Variants in CAPN7 observed in about 807,000 individuals in gnomAD.
CAPN7 encodes the protein calpain-7.
A neutral mutation model predicts 115.2 loss-of-function variants in CAPN7; 72 were observed. That is an observed-to-expected ratio of 0.63 (90% confidence interval 0.52 to 0.76). The LOEUF (loss-of-function observed/expected upper bound fraction) is 0.76. Among genes scored for constraint, CAPN7 ranks in the 30% least tolerant of loss-of-function variants. CAPN7 has a pLI of 0.00. For missense variants in CAPN7, 905 were observed against 971.5 expected (o/e 0.93, Z 0.91); for synonymous variants, 344 against 322.3 (o/e 1.07, Z -0.72).
intron 6 of CAPN7, among the ~76,000 whole-genome samples, chr3:15,223,928 C>A (rs9852748): frequency 0.021 from 3,254 of 152,194 alleles, 132 homozygotes; most frequent in African/African-American, 0.073. Context: ...CTAAGAAGAC[C>A]AATTCAAGCA....
At chr3:15,243,651 AAAAG>A (rs918687131) in intron 16 of CAPN7, among the ~76,000 whole-genome samples, 26 of 152,328 alleles carry the variant, frequency 1.7e-4, no homozygotes, top group African/African-American at 6.3e-4. Context: ...TTTCAAGAGA[AAAAG>A]AAAGGACAGT....
In CAPN7 at chr3:15,217,458, AACATCAGTTGG is replaced by A; in HGVS notation, c.248_258del (p.His83LeufsTer13). 1 of 1,613,590 alleles carries A rather than the reference AACATCAGTTGG, an allele frequency of 6.2e-7. No individual in the cohort carries two copies. The highest frequency in any genetic ancestry group is 8.5e-7 in the Non-Finnish European group (1 of 1,179,784). ...AAGAGTGCTGATCCTTTGAAGTCAA[AACATCAGTTGG>A]ACTTAGAGCGTGCTCATTTCCTTGT... On this transcript the variant is annotated frameshift_variant, in exon 3 of 21. Transcript: ENST00000253693. LOFTEE classifies it high-confidence loss of function.
chr3:15,208,548 A>G (rs2044759085), intron 1 of CAPN7, among the ~76,000 whole-genome samples: 1 of 146,088 alleles, frequency 6.8e-6, no homozygotes, highest in Non-Finnish European at 1.5e-5. Context: ...TTCCTGCCTC[A>G]GTCTCCCAAA....
Position 15,241,508 on chromosome 3 carries a change from C to G in CAPN7, c.1708C>G (p.Pro570Ala), listed in dbSNP as rs1327631925. 6.2e-7 allele frequency: 1 copy of G among 1,614,040 alleles called. No homozygotes were observed. The highest frequency in any genetic ancestry group is 1.1e-5 in the South Asian group (1 of 91,080). ...AGATGCCTATAGCCTGGCCAACAAC[C>G]CCCAGTACAAACTGGAGGTGCAGTG... ...VKDAYSLANN[P>A]QYKLEVQCPQ... The change falls in exon 15 of 21, where the codon CCC becomes GCC. Residue 570 changes from proline (P) to alanine (A), a missense_variant. Pro to Ala is a conservative substitution (Grantham distance 27, BLOSUM62 -1). This residue lies in a region of CAPN7 where 620 missense variants were observed against 703.4 expected (regional missense o/e 0.88). Transcript: ENST00000253693.
chr3:15,207,966 T>C (rs1575145584), intron 1 of CAPN7, among the ~76,000 whole-genome samples: 1 of 152,202 alleles, frequency 6.6e-6, no homozygotes, highest in Non-Finnish European at 1.5e-5. Flanking sequence ...TACATTATTG[T>C]GTGTGGTAGA....
intron 16 of CAPN7, among the ~76,000 whole-genome samples, chr3:15,244,312 C>G (rs1695530173): frequency 6.6e-6 from 1 of 152,106 alleles, no homozygotes; most frequent in Non-Finnish European, 1.5e-5. Context: ...TTAAACTAGC[C>G]AAGCTTTCCT....
rs117151841 is a variant in CAPN7 at position 15,209,998 on chromosome 3, T to C, written c.103-2106T>C. Among the ~76,000 whole-genome samples, 14 of 152,304 alleles carry C rather than the reference T, an allele frequency of 9.2e-5. No homozygotes were observed. The East Asian group carries it at 2.3e-3, about 25-fold the overall frequency. ...AAATTGACACCAGCAGTTTTTTAAATTGGCTTTATTTTATTTTTCAGAGAC... is the reference window on the plus strand; with the variant it reads ...AAATTGACACCAGCAGTTTTTTAAACTGGCTTTATTTTATTTTTCAGAGAC... On this transcript the variant is annotated intron_variant, in intron 1 of 20. Coordinates refer to ENST00000253693, the MANE Select transcript of CAPN7 (RefSeq NM_014296.3).
rs371169868 is a variant in CAPN7, at chr3:15,210,596, C to CTTTTTTTTTTTTTTTTT, written c.103-1507_103-1491dup. On this transcript the variant is annotated intron_variant, in intron 1 of 20. Transcript: ENST00000253693. ...TTTTCATTCCTTCCTTGCTTCCTTC[C>CTTTTTTTTTTTTTTTTT]TTTTTTTTTTTTTTTTTGGACAGTA... is the stretch of plus-strand genomic sequence containing the variant. Among the ~76,000 whole-genome samples the CTTTTTTTTTTTTTTTTT allele has an allele frequency of 9.6e-4, 100 of 104,408 alleles. 10 individuals carry two copies. The highest frequency in any genetic ancestry group is 3.5e-3 in the African/African-American group (57 of 16,474). 68.5% of individuals were successfully genotyped at this position (104,408 alleles called of 152,430 possible).
At chr3:15,228,865 G>C (rs1177522508) in intron 7 of CAPN7, 109 bp from the exon 8 acceptor site, 1 of 786,082 alleles carries the variant, frequency 1.3e-6, no homozygotes, top group African/African-American at 1.8e-5. Context: ...GAAGTTTTAA[G>C]AAAAGATATT....
chr3:15,206,482 G>C lies in CAPN7; in HGVS notation c.-14G>C, dbSNP rs1199289621. 6 of 1,536,064 alleles carry C rather than the reference G, an allele frequency of 3.9e-6. No homozygotes were observed. The highest frequency in any genetic ancestry group is 5.3e-6 in the Non-Finnish European group (6 of 1,139,154). On this transcript the variant is annotated 5_prime_UTR_variant, in exon 1 of 21. Coordinates refer to ENST00000253693, the MANE Select transcript of CAPN7 (RefSeq NM_014296.3). ...AGGGCCTCCTTCCCTGCCCCGGCGC[G>C]GGGCCACTGCGCCATGGACGCCACA...
At position 15,229,007 on chromosome 3, in the gene CAPN7, C is replaced by G. The variant is rs768547787; in HGVS notation, c.886C>G (p.Leu296Val). 6.2e-7 allele frequency: 1 copy of G among 1,613,202 alleles called. No individual in the cohort carries two copies. The highest frequency in any genetic ancestry group is 1.3e-5 in the African/African-American group (1 of 74,916). ...ATCGGATTGCTCCTTTGTGGCATCA[C>G]TGGCCATCAGTGCAGCTTATGAAAG... ...IVSDCSFVASLAISAAYERRF... is the reference protein window; with the variant it reads ...IVSDCSFVASVAISAAYERRF... The change falls in exon 8 of 21, where the codon CTG becomes GTG. Residue 296 changes from leucine to valine, a missense_variant. Leu to Val is a conservative substitution (Grantham distance 32). This residue lies in a region of CAPN7 where 620 missense variants were observed against 703.4 expected (regional missense o/e 0.88). Transcript: ENST00000253693.
At chr3:15,218,232 G>T (rs574730854) in intron 3 of CAPN7, among the ~76,000 whole-genome samples, 3 of 152,282 alleles carry the variant, frequency 2.0e-5, no homozygotes, top group Non-Finnish European at 4.4e-5. Flanking sequence ...CAGCACTATG[G>T]TCAAACAGTT....
At chr3:15,226,073 TTTTTTTA>T (rs1277218766) in intron 6 of CAPN7, among the ~76,000 whole-genome samples, 7 of 150,976 alleles carry the variant, frequency 4.6e-5, no homozygotes, top group Non-Finnish European at 1.0e-4. Flanking sequence ...TAATTGTAAG[TTTTTTTA>T]TTTTTTATTT....
At position 15,217,431 on chromosome 3, in the gene CAPN7, CAA is replaced by C. The variant is rs1693701477; in HGVS notation, c.220_221del (p.Lys74GlufsTer3). ...ATTTTTTTTTCTATCCTAGTTCAGT[CAA>C]AGAGTGCTGATCCTTTGAAGTCAAA... is the stretch of plus-strand genomic sequence containing the variant. On this transcript the variant is annotated frameshift_variant, in exon 3 of 21. Transcript: ENST00000253693. LOFTEE classifies it high-confidence loss of function. 5 of 1,609,086 alleles carry C rather than the reference CAA, an allele frequency of 3.1e-6. No individual in the cohort carries two copies. The highest frequency in any genetic ancestry group is 1.7e-4 in the Middle Eastern group (1 of 6,026).
intron 2 of CAPN7, among the ~76,000 whole-genome samples, chr3:15,214,762 C>G (rs2045150026): frequency 6.6e-6 from 1 of 152,138 alleles, no homozygotes; most frequent in Non-Finnish European, 1.5e-5. Context: ...GAGTTCAAGA[C>G]TTGGAATTAA....
intron 1 of CAPN7, chr3:15,210,783 CTT>C (rs1210758883): frequency 1.6e-6 from 2 of 1,289,246 alleles, no homozygotes; most frequent in Non-Finnish European, 2.0e-6. Flanking sequence ...GAAAACTGCA[CTT>C]TTCTTAATTT....
intron 5 of CAPN7, among the ~76,000 whole-genome samples, chr3:15,221,655 G>T (rs1235373015): frequency 6.7e-6 from 1 of 149,116 alleles, no homozygotes; most frequent in Non-Finnish European, 1.5e-5. Context: ...GCCCTAATGG[G>T]AGAAAAAATG....
At chr3:15,210,677 C>G (rs1018972466) in intron 1 of CAPN7, 55 of 592,528 alleles carry the variant, frequency 9.3e-5, no homozygotes, top group Non-Finnish European at 1.4e-4. Flanking sequence ...TCACTGCAGC[C>G]TCCACCTCCC....
In CAPN7 at chr3:15,217,747, A is replaced by G. The variant is rs115711976; in HGVS notation, c.369+165A>G. ...ATATAAGATGATGAGTAGAAAGCTAATAATGGGTTTTTGCATCTTATTAAA... is the reference window on the plus strand; with the variant it reads ...ATATAAGATGATGAGTAGAAAGCTAGTAATGGGTTTTTGCATCTTATTAAA... On this transcript the variant is annotated intron_variant, in intron 3 of 20. Transcript: ENST00000253693. Among the ~76,000 whole-genome samples, 1,523 of 152,386 alleles carry G rather than the reference A, an allele frequency of 1.0e-2. 14 individuals carry two copies. The highest frequency in any genetic ancestry group is 0.02 in the South Asian group (96 of 4,834).
Sources: gnomAD v4.1 joint callset for allele counts (sites outside exome capture counted in the v4.1 genomes callset) on GRCh38, gnomAD v4.1.1 for gene constraint, gnomAD v4.1.1 regional missense constraint, MANE v1.5 for transcripts, NCBI Gene and HGNC (gene_info 2026-07-23, HGNC 2026-07-21) for gene names.